Variants in DTWD2 observed in about 807,000 individuals in gnomAD.
The protein encoded by DTWD2 is DTW motif tRNA-uridine aminocarboxypropyltransferase 2.
Under a neutral mutation model 31.8 loss-of-function variants are expected in DTWD2, and 39 were observed. That is an observed-to-expected ratio of 1.22 (90% CI 0.95 to 1.60). The LOEUF (loss-of-function observed/expected upper bound fraction) is 1.60. Ranked by LOEUF, DTWD2 falls within the 40% of genes most tolerant of loss-of-function variation. The pLI, the probability that DTWD2 is intolerant of heterozygous loss-of-function variation, is 0.00. For missense variants in DTWD2, 515 were observed against 381.5 expected (o/e 1.35, Z -2.92); for synonymous variants, 180 against 142.8 (o/e 1.26, Z -1.86).
At chr5:118,857,018 C>T (rs1026575987) in intron 4 of DTWD2, among the ~76,000 whole-genome samples, 1 of 151,950 alleles carries the variant, frequency 6.6e-6, no homozygotes, top group Non-Finnish European at 1.5e-5. Context: ...CTCAGGTGAT[C>T]TGCCCACCTC....
chr5:118,890,124 T>C (rs972295013), intron 4 of DTWD2, among the ~76,000 whole-genome samples: 1 of 152,174 alleles, frequency 6.6e-6, no homozygotes, highest in Admixed American at 6.5e-5. Flanking sequence ...GTAAATGCTA[T>C]ATTATTACCA....
At position 118,939,261 on chromosome 5, in the gene DTWD2, T is replaced by C. The variant is rs1484604003; in HGVS notation, c.339A>G (p.Leu113=). The change falls in exon 3 of 6, where the codon CTA becomes CTG. Residue 113 remains leucine, a synonymous_variant. Transcript: ENST00000510708. ...EENKVLRTVP[L]LAACLPQDKC... ...TGTCCTGGGGGAGGCATGCTGCTAG[T>C]AGAGGAACTGTACGCAACACTTTGT... 1 of 1,599,862 alleles carries C rather than the reference T, an allele frequency of 6.3e-7. No individual in the cohort carries two copies. The highest frequency in any genetic ancestry group is 1.1e-5 in the South Asian group (1 of 88,776).
intron 4 of DTWD2, among the ~76,000 whole-genome samples, chr5:118,915,810 A>C (rs1480643750): frequency 3.3e-5 from 5 of 152,194 alleles, no homozygotes; most frequent in African/African-American, 1.2e-4. Flanking sequence ...TTTTCTAGGT[A>C]TTTCAGGATC....
chr5:118,952,056 T>C (rs1754477154), intron 1 of DTWD2, among the ~76,000 whole-genome samples: 2 of 151,792 alleles, frequency 1.3e-5, no homozygotes, highest in Admixed American at 6.6e-5. Context: ...GGCGCAGAAA[T>C]TGAAAGGAGA....
chr5:118,857,671 A>G, intron 4 of DTWD2, among the ~76,000 whole-genome samples: 1 of 152,198 alleles, frequency 6.6e-6, no homozygotes, highest in East Asian at 1.9e-4. Context: ...TGCTTTTCAT[A>G]TTGTGTTTAA....
At chr5:118,857,751 T>C (rs1057363494) in intron 4 of DTWD2, among the ~76,000 whole-genome samples, 3 of 152,320 alleles carry the variant, frequency 2.0e-5, no homozygotes, top group Admixed American at 1.3e-4. Flanking sequence ...GTGCTGGGCA[T>C]GTGCCTGTTC....
intron 4 of DTWD2, among the ~76,000 whole-genome samples, chr5:118,920,829 GTTCT>G (rs890065123): frequency 1.3e-4 from 20 of 151,984 alleles, no homozygotes; most frequent in Non-Finnish European, 1.2e-4. Context: ...AATGGGGAGC[GTTCT>G]TTGTTTTTTC....
At chr5:118,939,918 A>C (rs1055374191) in intron 2 of DTWD2, among the ~76,000 whole-genome samples, 3 of 152,232 alleles carry the variant, frequency 2.0e-5, no homozygotes, top group African/African-American at 7.2e-5. Flanking sequence ...TGATATAAAT[A>C]AATGACTTAA....
At chr5:118,843,436 A>T (rs78899749) in intron 5 of DTWD2, among the ~76,000 whole-genome samples, 2 of 151,538 alleles carry the variant, frequency 1.3e-5, no homozygotes, top group African/African-American at 2.4e-5. Context: ...GCACAATATT[A>T]TTGTAGAAAA....
chr5:118,866,732 C>T (rs897644837), intron 4 of DTWD2, among the ~76,000 whole-genome samples: 7 of 151,984 alleles, frequency 4.6e-5, no homozygotes, highest in South Asian at 2.1e-4. Flanking sequence ...GCCTGACCAA[C>T]GTGGTGAAAC....
At chr5:118,944,067 T>A (rs1047731833) in intron 2 of DTWD2, among the ~76,000 whole-genome samples, 1 of 152,248 alleles carries the variant, frequency 6.6e-6, no homozygotes, top group Admixed American at 6.5e-5. Context: ...AAGAAAGTAT[T>A]AATTTTAAAA....
intron 4 of DTWD2, among the ~76,000 whole-genome samples, chr5:118,860,199 T>C (rs996083970): frequency 2.0e-5 from 3 of 149,598 alleles, no homozygotes; most frequent in African/African-American, 7.3e-5. Flanking sequence ...TATAAAAGCA[T>C]AGTATGTTTA....
intron 1 of DTWD2, among the ~76,000 whole-genome samples, chr5:118,953,510 C>T (rs896664983): frequency 1.3e-5 from 2 of 152,174 alleles, no homozygotes; most frequent in East Asian, 1.9e-4. Context: ...AACTATATTG[C>T]TAAGCAACAC....
chr5:118,964,808 C>T (rs1367088613), intron 1 of DTWD2, among the ~76,000 whole-genome samples: 17 of 152,196 alleles, frequency 1.1e-4, no homozygotes, highest in African/African-American at 3.4e-4. Flanking sequence ...ACCTCCCAGC[C>T]GCCTGCCTTG....
intron 1 of DTWD2, among the ~76,000 whole-genome samples, chr5:118,947,592 T>C (rs766224937): frequency 3.9e-5 from 6 of 152,142 alleles, no homozygotes; most frequent in African/African-American, 1.2e-4. Context: ...GGGGTTTTTA[T>C]GGGTACAGGA....
intron 3 of DTWD2, among the ~76,000 whole-genome samples, chr5:118,934,601 G>A (rs1753996625): frequency 6.6e-6 from 1 of 151,886 alleles, no homozygotes; most frequent in Non-Finnish European, 1.5e-5. Flanking sequence ...GAAATAGAAT[G>A]GAACGCTAAG....
At chr5:118,911,850 A>G (rs1012329891) in intron 4 of DTWD2, among the ~76,000 whole-genome samples, 1 of 152,228 alleles carries the variant, frequency 6.6e-6, no homozygotes, top group Non-Finnish European at 1.5e-5. Context: ...TAGTGGCAAG[A>G]TGGCCATCAG....
chr5:118,844,273 G>C (rs151280049), intron 5 of DTWD2, among the ~76,000 whole-genome samples: 496 of 152,260 alleles, frequency 3.3e-3, no homozygotes, highest in Non-Finnish European at 5.3e-3. Context: ...AAACATTCAG[G>C]TTATAGCAGG....
At chr5:118,860,164 T>C (rs1279210303) in intron 4 of DTWD2, among the ~76,000 whole-genome samples, 1 of 149,914 alleles carries the variant, frequency 6.7e-6, no homozygotes, top group African/African-American at 2.4e-5. Flanking sequence ...ATATTAGTTA[T>C]ACTGCTATAA....
Sources: gnomAD v4.1 joint callset for allele counts (sites outside exome capture counted in the v4.1 genomes callset) on GRCh38, gnomAD v4.1.1 for gene constraint, MANE v1.5 for transcripts, NCBI Gene and HGNC (gene_info 2026-07-23, HGNC 2026-07-21) for gene names.